ADGRL4: variants seen among roughly 807,000 people sequenced by gnomAD.
ADGRL4 encodes adhesion G protein-coupled receptor L4.
Under a neutral mutation model 74.8 loss-of-function variants are expected in ADGRL4, and 90 were observed. That is an observed-to-expected ratio of 1.20 (90% confidence interval 1.02 to 1.43). The LOEUF (loss-of-function observed/expected upper bound fraction) is 1.43, where lower values mean the gene tolerates loss of function less well. Ranked by LOEUF, ADGRL4 falls within the 40% of genes most tolerant of loss-of-function variation. The pLI, the probability that ADGRL4 is intolerant of heterozygous loss-of-function variation, is 0.00. For missense variants in ADGRL4, 881 were observed against 814.3 expected (o/e 1.08, Z -1.00); for synonymous variants, 311 against 279.2 (o/e 1.11, Z -1.14).
chr1:78,907,257 A>G (rs1157362795), intron 12 of ADGRL4, among the ~76,000 whole-genome samples: 1 of 152,096 alleles, frequency 6.6e-6, no homozygotes, highest in Non-Finnish European at 1.5e-5. Context: ...AATGCTGCAT[A>G]TAATTTTCTG....
Position 78,891,522 on chromosome 1 carries a change from A to G in ADGRL4, c.2010+2T>C. 6.2e-7 allele frequency: 1 copy of G among 1,609,754 alleles called. No homozygotes were observed. The highest frequency in any genetic ancestry group is 8.5e-7 in the Non-Finnish European group (1 of 1,178,572). Reference sequence around the variant, plus strand: ...GAACCACCAAAATAAGAAATTGTTTACCTTTCTAGATAAAACACACAGGAA... The same window carrying G: ...GAACCACCAAAATAAGAAATTGTTTGCCTTTCTAGATAAAACACACAGGAA... On this transcript the variant is annotated splice_donor_variant, in intron 14 of 14. Transcript: ENST00000370742. LOFTEE classifies it high-confidence loss of function.
At chr1:78,943,654 T>A (rs1373506676) in intron 3 of ADGRL4, among the ~76,000 whole-genome samples, 1 of 152,158 alleles carries the variant, frequency 6.6e-6, no homozygotes, top group Non-Finnish European at 1.5e-5. Context: ...TAAGGTGATA[T>A]ACTAACGCAA....
chr1:78,948,058 G>A (rs925891923), intron 2 of ADGRL4, among the ~76,000 whole-genome samples: 3 of 152,134 alleles, frequency 2.0e-5, no homozygotes, highest in African/African-American at 7.2e-5. Flanking sequence ...AGCAGACAGA[G>A]CCCAGGCATC....
At chr1:78,988,705 G>A (rs1650545575) in intron 2 of ADGRL4, among the ~76,000 whole-genome samples, 1 of 151,744 alleles carries the variant, frequency 6.6e-6, no homozygotes, top group South Asian at 2.1e-4. Context: ...AATCCTAAGT[G>A]ATGTCTCACA....
chr1:78,960,353 A>G (rs1001989705), intron 2 of ADGRL4, among the ~76,000 whole-genome samples: 2 of 152,186 alleles, frequency 1.3e-5, no homozygotes, highest in Non-Finnish European at 2.9e-5. Context: ...CACACAAACA[A>G]TAAACATTTA....
chr1:78,963,451 G>A (rs143408068), intron 2 of ADGRL4, among the ~76,000 whole-genome samples: 264 of 152,246 alleles, frequency 1.7e-3, no homozygotes, highest in African/African-American at 6.0e-3. Context: ...CCAGTATGCT[G>A]TCAACATTGT....
chr1:78,979,783 G>C (rs1032132290), intron 2 of ADGRL4, among the ~76,000 whole-genome samples: 1 of 151,950 alleles, frequency 6.6e-6, no homozygotes, highest in African/African-American at 2.4e-5. Flanking sequence ...GTTATTCTAA[G>C]TGAAGTAACT....
intron 2 of ADGRL4, among the ~76,000 whole-genome samples, chr1:78,979,706 T>C (rs750783513): frequency 3.3e-5 from 5 of 151,968 alleles, no homozygotes; most frequent in Non-Finnish European, 5.9e-5. Flanking sequence ...CACCATGGAA[T>C]ACTACTTAGC....
Position 78,924,561 on chromosome 1 carries a change from G to C in ADGRL4, c.1083+2325C>G, listed in dbSNP as rs377265210. 5.1e-4 allele frequency among the ~76,000 whole-genome samples: 78 copies of C among 152,116 alleles called. No individual in the cohort carries two copies. In the South Asian group the frequency reaches 0.016, roughly 31 times the overall value. ...ATCTAGACAGCATCAAGGCTACAGA[G>C]CCTTGGAAAGGATGTCTCCAAGACA... On this transcript the variant is annotated intron_variant, in intron 8 of 14. Transcript: ENST00000370742.
chr1:78,926,906 A>G lies in ADGRL4; in HGVS notation c.1063T>C (p.Phe355Leu). Residue 355 changes from phenylalanine to leucine, a missense_variant, in exon 8 of 15, where the codon TTT becomes CTT. Coordinates refer to ENST00000370742, the MANE Select transcript of ADGRL4 (RefSeq NM_022159.4). ...CTTACCTTTCGATGACTTAATGTAA[A>G]TGTTATTTTTTCAAGTTCATATAAT... is the stretch of plus-strand genomic sequence containing the variant. ...PTLYELEKIT[F>L]TLSHRKVTDR... The G allele has an allele frequency of 6.2e-7, 1 of 1,611,434 alleles. No homozygotes were observed. The highest frequency in any genetic ancestry group is 8.5e-7 in the Non-Finnish European group (1 of 1,178,360).
chr1:78,906,544 G>A (rs1012227739), intron 12 of ADGRL4, among the ~76,000 whole-genome samples: 1 of 151,920 alleles, frequency 6.6e-6, no homozygotes, highest in African/African-American at 2.4e-5. Context: ...AAAGGTGAAG[G>A]AGAACAACTG....
At chr1:78,921,965 T>C (rs1481956196) in intron 8 of ADGRL4, among the ~76,000 whole-genome samples, 179 bp from the exon 9 acceptor site, 6 of 152,068 alleles carry the variant, frequency 3.9e-5, no homozygotes, top group Admixed American at 1.3e-4. Flanking sequence ...AACAATGCTG[T>C]ATTTTATCAA....
intron 7 of ADGRL4, 28 bp downstream of exon 7, chr1:78,936,267 A>G (rs1649349922): frequency 6.4e-7 from 1 of 1,573,402 alleles, no homozygotes; most frequent in African/African-American, 1.4e-5. Context: ...TCATTGATAT[A>G]TTGTCTGTTA....
chr1:78,896,073 T>G (rs1320439442), intron 12 of ADGRL4, among the ~76,000 whole-genome samples: 18 of 151,922 alleles, frequency 1.2e-4, no homozygotes, highest in African/African-American at 4.3e-4. Flanking sequence ...AACCTATTTA[T>G]GTACTCTCAC....
intron 7 of ADGRL4, among the ~76,000 whole-genome samples, chr1:78,935,439 G>T (rs900782661): frequency 6.6e-6 from 1 of 151,390 alleles, no homozygotes; most frequent in Admixed American, 6.6e-5. Flanking sequence ...TTAGAGGACT[G>T]GGTCAATAGC....
At chr1:78,940,823 C>T (rs1649460873) in intron 3 of ADGRL4, among the ~76,000 whole-genome samples, 2 of 152,034 alleles carry the variant, frequency 1.3e-5, no homozygotes, top group Admixed American at 1.3e-4. Flanking sequence ...ATTTCTCACT[C>T]AAAAATCCAA....
intron 2 of ADGRL4, among the ~76,000 whole-genome samples, chr1:78,999,960 A>AT (rs11429771): frequency 0.43 from 65,842 of 151,776 alleles, 14,299 homozygotes; most frequent in East Asian, 0.59. Flanking sequence ...CCCAGAAGGC[A>AT]TTTTTTTGTG....
chr1:78,964,793 T>A (rs528692877), intron 2 of ADGRL4, among the ~76,000 whole-genome samples: 309 of 152,172 alleles, frequency 2.0e-3, no homozygotes, highest in Non-Finnish European at 3.4e-3. Flanking sequence ...AATAAAATAC[T>A]GTTTTCTGCT....
intron 12 of ADGRL4, among the ~76,000 whole-genome samples, chr1:78,894,266 T>C (rs1011375774): frequency 3.3e-5 from 5 of 151,858 alleles, no homozygotes; most frequent in South Asian, 4.1e-4. Flanking sequence ...AACAGCAGTA[T>C]AAAATAATGG....
Sources: gnomAD v4.1 joint callset for allele counts (sites outside exome capture counted in the v4.1 genomes callset) on GRCh38, gnomAD v4.1.1 for gene constraint, MANE v1.5 for transcripts, NCBI Gene and HGNC (gene_info 2026-07-23, HGNC 2026-07-21) for gene names.